Variants in CD163L1 observed in about 807,000 individuals in gnomAD.
CD163L1 encodes CD163 molecule like 1.
CD163L1 carries 124 observed loss-of-function variants against 165.4 expected under a neutral mutation model. The observed-to-expected ratio is 0.75, with a 90% CI of 0.65 to 0.87. The LOEUF is 0.87. CD163L1 is among the 40% of genes least tolerant of loss of function. CD163L1 has a pLI of 0.00. For missense variants in CD163L1, 1,525 were observed against 1,799.9 expected (o/e 0.85, Z 2.76); for synonymous variants, 585 against 662.2 (o/e 0.88, Z 1.79).
chr12:7,375,963 A>G lies in CD163L1; in HGVS notation c.2423T>C (p.Val808Ala). 1 of 1,614,236 alleles carries G rather than the reference A, an allele frequency of 6.2e-7. No homozygotes were observed. The highest frequency in any genetic ancestry group is 8.5e-7 in the Non-Finnish European group (1 of 1,180,034). ...VGADMPCSGRVEVKHADTWRS... is the reference protein window; with the variant it reads ...VGADMPCSGRAEVKHADTWRS... Reference sequence around the variant, plus strand: ...CCATGTGTCTGCATGTTTCACTTCAACACGTCCAGAGCAGGGCATATCAGC... The same window carrying G: ...CCATGTGTCTGCATGTTTCACTTCAGCACGTCCAGAGCAGGGCATATCAGC... The change falls in exon 10 of 20, where the codon GTT (valine) becomes GCT (alanine). Residue 808 changes from valine to alanine, a missense_variant. Physicochemically the swap from Val to Ala is moderately conservative, Grantham distance 64 (BLOSUM62 0). Coordinates refer to ENST00000313599, the MANE Select transcript of CD163L1 (RefSeq NM_174941.6).
At position 7,388,339 on chromosome 12, in the gene CD163L1, G is replaced by A. The variant is rs192991788; in HGVS notation, c.2050+7756C>T. ...TAACAGAGTGAAAAGACATCCTGTT[G>A]AATAGGAGAAAGTATTTGCAAACAA... On this transcript the variant is annotated intron_variant, in intron 8 of 19. Transcript: ENST00000313599. 4.8e-3 allele frequency among the ~76,000 whole-genome samples: 731 copies of A among 152,276 alleles called. 9 individuals carry two copies. The highest frequency in any genetic ancestry group is 0.017 in the African/African-American group (691 of 41,566).
chr12:7,438,244 T>A (rs1433763902), intron 2 of CD163L1, among the ~76,000 whole-genome samples: 3 of 152,224 alleles, frequency 2.0e-5, no homozygotes, highest in Non-Finnish European at 4.4e-5. Flanking sequence ...AAAAAAATGA[T>A]GTTTTTTATA....
chr12:7,327,006 C>T, the CD163L1 span: 1 of 1,612,238 alleles, frequency 6.2e-7, no homozygotes, highest in Non-Finnish European at 8.5e-7. Flanking sequence ...CTTAGCTGCA[C>T]CCTTTAAGTC....
At position 7,385,310 on chromosome 12, in the gene CD163L1, T is replaced by C. The variant is rs1296200450; in HGVS notation, c.2051-6012A>G. 2.0e-5 allele frequency among the ~76,000 whole-genome samples: 3 copies of C among 149,762 alleles called. No homozygotes were observed. The South Asian group carries it at 6.3e-4, about 31-fold the overall frequency. ...AATTGATCAATTTATTAAGAGGCTATAACAATTCTAAATACATATACACCC... is the reference window on the plus strand; with the variant it reads ...AATTGATCAATTTATTAAGAGGCTACAACAATTCTAAATACATATACACCC... On this transcript the variant is annotated intron_variant, in intron 8 of 19. Coordinates refer to ENST00000313599, the MANE Select transcript of CD163L1 (RefSeq NM_174941.6).
intron 18 of CD163L1, among the ~76,000 whole-genome samples, chr12:7,363,758 A>C (rs1329945865): frequency 1.3e-5 from 2 of 149,130 alleles, no homozygotes; most frequent in African/African-American, 2.5e-5. Flanking sequence ...AATCAATAAC[A>C]AGTCATGAGA....
At chr12:7,324,438 A>G in the CD163L1 span, 1 of 1,613,918 alleles carries the variant, frequency 6.2e-7, no homozygotes, top group Non-Finnish European at 8.5e-7. Flanking sequence ...TAACAATTCG[A>G]CAGGGAGGGA....
chr12:7,398,555 C>T lies in CD163L1; in HGVS notation c.1438G>A (p.Gly480Arg), dbSNP rs752758471. 9 of 1,599,602 alleles carry T rather than the reference C, an allele frequency of 5.6e-6. No individual in the cohort carries two copies. Among genetic ancestry groups the T allele is most frequent in the East Asian group, 2.2e-5 (1 of 44,778 alleles). Residue 480 changes from glycine (G) to arginine (R), a missense_variant, in exon 7 of 20, where the codon GGG (glycine) becomes AGG (arginine). By Grantham distance (125) the Gly-to-Arg change is moderately radical. Coordinates refer to ENST00000313599, the MANE Select transcript of CD163L1 (RefSeq NM_174941.6). This position sits in a 1 kb window ranked among gnomAD's most constrained non-coding sequence, Gnocchi z 4.5. Reference sequence around the variant, plus strand: ...CTCCCATAACAGGGGCTATGAGCCCCGACAAGCCTTAGGTCCAGATCTGCC... The same window carrying T: ...CTCCCATAACAGGGGCTATGAGCCCTGACAAGCCTTAGGTCCAGATCTGCC... ...DKADLDLRLV[G>R]AHSPCYGRLE...
At chr12:7,353,728 A>G (rs1317723840), downstream of CD163L1, among the ~76,000 whole-genome samples, 1 of 152,068 alleles carries the variant, frequency 6.6e-6, no homozygotes, top group Admixed American at 6.6e-5. Context: ...AGAATGATAG[A>G]CTTTTTCATA....
At chr12:7,324,901 C>T in the CD163L1 span, among the ~76,000 whole-genome samples, 1 of 151,760 alleles carries the variant, frequency 6.6e-6, no homozygotes, top group Non-Finnish European at 1.5e-5. Context: ...TCCAAAGGTT[C>T]ATGTGAGGTT....
chr12:7,386,605 A>C (rs991351523), intron 8 of CD163L1, among the ~76,000 whole-genome samples: 1 of 878 alleles, frequency 1.1e-3, no homozygotes, highest in Non-Finnish European at 4.9e-3. Flanking sequence ...TCAACATATC[A>C]AAAAAAAAAA....
At chr12:7,433,303 C>T (rs757026846) in intron 3 of CD163L1, 71 bp downstream of exon 3, 7 of 1,370,406 alleles carry the variant, frequency 5.1e-6, no homozygotes, top group Admixed American at 2.2e-5. Flanking sequence ...ATAATAGAAA[C>T]CCCTACCTTC....
chr12:7,388,676 C>T lies in CD163L1; in HGVS notation c.2050+7419G>A, dbSNP rs767001699. Among the ~76,000 whole-genome samples, 350 of 146,388 alleles carry T rather than the reference C, an allele frequency of 2.4e-3. 1 individual carries two copies. Among genetic ancestry groups the T allele is most frequent in the African/African-American group, 8.3e-3 (327 of 39,406 alleles). On this transcript the variant is annotated intron_variant, in intron 8 of 19. Coordinates refer to ENST00000313599, the MANE Select transcript of CD163L1 (RefSeq NM_174941.6). The stretch of plus-strand genomic sequence containing the variant: ...GGAGGATTGCTTGAGCCCTGGAGGT[C>T]GAGGCTGCAGTGAGCTGAGATTGTG...
intron 4 of CD163L1, among the ~76,000 whole-genome samples, chr12:7,419,874 A>G (rs535769349): frequency 6.6e-6 from 1 of 152,260 alleles, no homozygotes; most frequent in South Asian, 2.1e-4. Flanking sequence ...TAGAAATCAT[A>G]TGGAACCAAA....
At chr12:7,361,903 TA>T (rs1310762324) in intron 18 of CD163L1, among the ~76,000 whole-genome samples, 1 of 152,078 alleles carries the variant, frequency 6.6e-6, no homozygotes, top group East Asian at 1.9e-4. Flanking sequence ...AATTAAAGAA[TA>T]ACTCCCCATT....
rs777740257 is a variant in CD163L1 at position 7,420,192 on chromosome 12, A to T, written c.766+12224T>A. Among the ~76,000 whole-genome samples the T allele has an allele frequency of 2.3e-4, 35 of 152,270 alleles. No homozygotes were observed. The South Asian group carries it at 6.4e-3, about 28-fold the overall frequency. Reference sequence around the variant, plus strand: ...AAAACGGATCCTCATCTCTCACTCTATACAAAAATCAATTCAAGATGGATC... The same window carrying T: ...AAAACGGATCCTCATCTCTCACTCTTTACAAAAATCAATTCAAGATGGATC... On this transcript the variant is annotated intron_variant, in intron 4 of 19. Coordinates refer to ENST00000313599, the MANE Select transcript of CD163L1 (RefSeq NM_174941.6).
the CD163L1 span, chr12:7,320,668 C>CT: frequency 7.1e-7 from 1 of 1,413,004 alleles, no homozygotes; most frequent in Non-Finnish European, 9.9e-7. Context: ...GATATCAGCT[C>CT]TAGTCATGGC....
intron 8 of CD163L1, among the ~76,000 whole-genome samples, chr12:7,395,842 A>G (rs1947762288): frequency 6.6e-6 from 1 of 152,170 alleles, no homozygotes; most frequent in Non-Finnish European, 1.5e-5. Context: ...GTAGAATTGT[A>G]TTGACTAGTG....
chr12:7,410,120 TAAC>T (rs984384665), intron 4 of CD163L1, among the ~76,000 whole-genome samples: 12 of 151,866 alleles, frequency 7.9e-5, no homozygotes, highest in African/African-American at 2.4e-4. Flanking sequence ...CACAATAGAT[TAAC>T]AAAATTCATC....
At chr12:7,339,673 C>A in the CD163L1 span, among the ~76,000 whole-genome samples, 1 of 152,258 alleles carries the variant, frequency 6.6e-6, no homozygotes, top group African/African-American at 2.4e-5. Flanking sequence ...AGACTTCTCT[C>A]TAGAGAGAAT....
Sources: allele counts gnomAD v4.1 joint callset (sites outside exome capture counted in the v4.1 genomes callset), GRCh38; gene constraint gnomAD v4.1.1; non-coding constraint Gnocchi (gnomAD v3.1); transcripts MANE v1.5; gene names NCBI Gene and HGNC (gene_info 2026-07-23, HGNC 2026-07-21).